MEGF9: variants seen among roughly 807,000 people sequenced by gnomAD.
MEGF9 encodes the protein multiple EGF like domains 9.
MEGF9 carries 6 observed loss-of-function variants against 46.8 expected under a neutral mutation model. The ratio of observed to expected loss-of-function variants is 0.13; its 90% CI spans 0.07 to 0.25. MEGF9 has a LOEUF of 0.25. Ranked by LOEUF, MEGF9 falls within the 10% of genes least tolerant of loss-of-function variation. MEGF9 has a pLI of 1.00. For synonymous variants in MEGF9, 302 were observed against 330.7 expected (o/e 0.91, Z 0.94); for missense variants, 683 against 792.4 (o/e 0.86, Z 1.66).
At chr9:120,632,159 T>G (rs2043553496) in intron 2 of MEGF9, among the ~76,000 whole-genome samples, 1 of 152,194 alleles carries the variant, frequency 6.6e-6, no homozygotes, top group African/African-American at 2.4e-5. Flanking sequence ...TCTCTTTACC[T>G]GGTGATCCAC....
intron 1 of MEGF9, chr9:120,691,483 G>T: frequency 2.3e-6 from 1 of 432,254 alleles, no homozygotes. Flanking sequence ...CCCTGAACAA[G>T]AAGTCAGATT....
intron 5 of MEGF9, 62 bp downstream of exon 5, chr9:120,607,679 C>A: frequency 6.4e-7 from 1 of 1,553,726 alleles, no homozygotes; most frequent in Non-Finnish European, 8.8e-7. Context: ...TTTTACAAAG[C>A]CTTCCATTTT....
At chr9:120,695,031 T>C (rs2043868298) in intron 1 of MEGF9, among the ~76,000 whole-genome samples, 1 of 147,230 alleles carries the variant, frequency 6.8e-6, no homozygotes, top group Non-Finnish European at 1.5e-5. Context: ...GGCCATATAG[T>C]GGTTTAAAAA....
chr9:120,670,940 T>A (rs933855225), intron 1 of MEGF9, among the ~76,000 whole-genome samples: 1 of 152,244 alleles, frequency 6.6e-6, no homozygotes, highest in African/African-American at 2.4e-5. Flanking sequence ...CTAAATAAAA[T>A]TTCTCAAACA....
intron 1 of MEGF9, among the ~76,000 whole-genome samples, chr9:120,704,488 A>T (rs777654001): frequency 6.6e-6 from 1 of 152,250 alleles, no homozygotes; most frequent in Non-Finnish European, 1.5e-5. Flanking sequence ...AATATAAAGC[A>T]AACAGTCCTC....
intron 1 of MEGF9, among the ~76,000 whole-genome samples, chr9:120,711,273 C>T (rs1297041125): frequency 6.6e-6 from 1 of 152,174 alleles, no homozygotes; most frequent in Non-Finnish European, 1.5e-5. Context: ...AATTATGATA[C>T]ATTCTTACCC....
intron 2 of MEGF9, among the ~76,000 whole-genome samples, chr9:120,656,506 C>T (rs963339278): frequency 3.8e-5 from 5 of 131,380 alleles, no homozygotes; most frequent in African/African-American, 1.1e-4. Context: ...AAGATCGTGC[C>T]ACTGCACTCC....
At chr9:120,663,633 T>A (rs2043712339) in intron 1 of MEGF9, among the ~76,000 whole-genome samples, 1 of 152,154 alleles carries the variant, frequency 6.6e-6, no homozygotes, top group South Asian at 2.1e-4. Flanking sequence ...GTCACCAGTG[T>A]GGATGTTAAT....
chr9:120,639,691 G>A (rs1333806403), intron 2 of MEGF9, among the ~76,000 whole-genome samples: 1 of 152,012 alleles, frequency 6.6e-6, no homozygotes, highest in Non-Finnish European at 1.5e-5. Flanking sequence ...TTAATATGTG[G>A]TAAGCACATA....
At chr9:120,607,616 G>T in intron 5 of MEGF9, 125 bp downstream of exon 5, 1 of 1,040,258 alleles carries the variant, frequency 9.6e-7, no homozygotes, top group Non-Finnish European at 1.4e-6. Context: ...ACCTCTTTAG[G>T]CAAATATCTA....
chr9:120,638,148 C>G (rs145118570), intron 2 of MEGF9, among the ~76,000 whole-genome samples: 1 of 152,214 alleles, frequency 6.6e-6, no homozygotes, highest in Non-Finnish European at 1.5e-5. Flanking sequence ...TGCACGCTGC[C>G]ACACGTGGCT....
Position 120,714,267 on chromosome 9 carries a change from G to A in MEGF9, c.92C>T (p.Ala31Val). The change falls in exon 1 of 6, where the codon GCC (alanine) becomes GTC (valine). Residue 31 changes from alanine (A) to valine (V), a missense_variant. Physicochemically the swap from Ala to Val is moderately conservative, Grantham distance 64. Around this residue, in one of 2 missense-constraint regions of MEGF9, gnomAD observed 370 missense variants for 371.3 expected, o/e 1.00. Coordinates refer to ENST00000373930, the MANE Select transcript of MEGF9 (RefSeq NM_001080497.3). ...LCCAAAAAAA[A>V]VASAASAGNV... ...CCCCGCCGAGGCGGCTGAGGCGACG[G>A]CGGCGGCGGCGGCGGCGGCGGCGCA... 1 of 120,546 alleles carries A rather than the reference G, an allele frequency of 8.3e-6. No homozygotes were observed. Among genetic ancestry groups the A allele is most frequent in the East Asian group, 1.4e-4 (1 of 7,392 alleles). 7.5% of individuals were successfully genotyped at this position (120,546 alleles called of 1,614,324 possible).
intron 1 of MEGF9, among the ~76,000 whole-genome samples, chr9:120,667,166 C>T (rs940244200): frequency 2.0e-5 from 3 of 152,136 alleles, no homozygotes; most frequent in African/African-American, 4.8e-5. Context: ...CCACAAGCAA[C>T]TATTTCAACT....
At chr9:120,664,971 T>C (rs776250013) in intron 1 of MEGF9, among the ~76,000 whole-genome samples, 3 of 152,214 alleles carry the variant, frequency 2.0e-5, no homozygotes, top group African/African-American at 4.8e-5. Flanking sequence ...TCAGATTAAA[T>C]AGCACATCCA....
At chr9:120,670,658 T>C (rs1279082898) in intron 1 of MEGF9, among the ~76,000 whole-genome samples, 1 of 152,128 alleles carries the variant, frequency 6.6e-6, no homozygotes, top group African/African-American at 2.4e-5. Context: ...AGACCTTCTT[T>C]TTCTCTCTTC....
Position 120,633,184 on chromosome 9 carries a change from A to G in MEGF9, c.804-10429T>C, listed in dbSNP as rs538207628. Among the ~76,000 whole-genome samples the G allele has an allele frequency of 8.5e-5, 13 of 152,196 alleles. No individual in the cohort carries two copies. The South Asian group carries it at 2.5e-3, about 29-fold the overall frequency. On this transcript the variant is annotated intron_variant, in intron 2 of 5. Coordinates refer to ENST00000373930, the MANE Select transcript of MEGF9 (RefSeq NM_001080497.3). ...AGGATTAGTATTAGTTCTTCTTCAT[A>G]TGTTTGGTAGAATTTGGCTATGAAT...
At position 120,605,704 on chromosome 9, in the gene MEGF9, A is replaced by T. The variant is rs1428400449; in HGVS notation, c.1358-63T>A. On this transcript the variant is annotated intron_variant, in intron 5 of 5. Coordinates refer to ENST00000373930, the MANE Select transcript of MEGF9 (RefSeq NM_001080497.3). The surrounding 1 kb of genome is among the most constrained non-coding windows in gnomAD (Gnocchi z 4.0). ...AATTATCTAGTTTTGAGAAACAATA[A>T]AAGAAATACGCATGGGAGTGAATGT... is the stretch of plus-strand genomic sequence containing the variant. 3.0e-5 allele frequency: 37 copies of T among 1,216,294 alleles called. No homozygotes were observed. The highest frequency in any genetic ancestry group is 4.6e-6 in the Non-Finnish European group (4 of 875,408). 75.3% of individuals were successfully genotyped at this position (1,216,294 alleles called of 1,614,324 possible). A position where few individuals can be genotyped will look rare whatever the true frequency, so the allele number is the denominator to read the frequency against.
chr9:120,640,479 G>A (rs2043597216), intron 2 of MEGF9, among the ~76,000 whole-genome samples: 1 of 151,618 alleles, frequency 6.6e-6, no homozygotes, highest in African/African-American at 2.4e-5. Flanking sequence ...TCAGTTCTGT[G>A]GAATCAGGGG....
intron 1 of MEGF9, among the ~76,000 whole-genome samples, chr9:120,705,960 G>A (rs1221621977): frequency 1.3e-5 from 2 of 151,778 alleles, no homozygotes; most frequent in Non-Finnish European, 2.9e-5. Flanking sequence ...AAAAAGCAAG[G>A]ATTAAAGCTA....
Sources: gnomAD v4.1 joint callset for allele counts (sites outside exome capture counted in the v4.1 genomes callset) on GRCh38, gnomAD v4.1.1 for gene constraint, gnomAD v4.1.1 regional missense constraint, Gnocchi (gnomAD v3.1) non-coding constraint, MANE v1.5 for transcripts, NCBI Gene and HGNC (gene_info 2026-07-23, HGNC 2026-07-21) for gene names.